Variants in CYP19A1 observed in about 807,000 individuals in gnomAD.
CYP19A1 encodes the protein cytochrome P450 family 19 subfamily A member 1, also known as aromatase.
Under a neutral mutation model 44.4 loss-of-function variants are expected in CYP19A1, and 32 were observed. That is an observed-to-expected ratio of 0.72 (90% CI 0.54 to 0.97). CYP19A1 has a LOEUF of 0.97. CYP19A1 is among the 50% of genes least tolerant of loss of function. The pLI, the probability that CYP19A1 is intolerant of heterozygous loss-of-function variation, is 0.00. For missense variants in CYP19A1, 598 were observed against 637.8 expected (o/e 0.94, Z 0.67); for synonymous variants, 212 against 215.6 (o/e 0.98, Z 0.14).
chr15:51,240,385 C>G (rs1216493621), intron 2 of CYP19A1, among the ~76,000 whole-genome samples: 1 of 152,134 alleles, frequency 6.6e-6, no homozygotes, highest in African/African-American at 2.4e-5. Flanking sequence ...ACACACCAAC[C>G]TCACCAGAGA....
chr15:51,220,481 G>A (rs141638524), intron 5 of CYP19A1, among the ~76,000 whole-genome samples: 319 of 152,286 alleles, frequency 2.1e-3, no homozygotes, highest in Middle Eastern at 0.014. Flanking sequence ...ATCAATAAAT[G>A]TTTGATGAAT....
chr15:51,311,807 T>C (rs965871763), intron 1 of CYP19A1, among the ~76,000 whole-genome samples: 2 of 152,164 alleles, frequency 1.3e-5, no homozygotes, highest in African/African-American at 4.8e-5. Flanking sequence ...TAACCCTGGC[T>C]CACTGACATG....
chr15:51,227,875 T>G lies in CYP19A1; in HGVS notation c.355A>C (p.Lys119Gln), dbSNP rs1443121773. ...HNHYSSRFGS[K>Q]LGLQCIGMHE... ...ATACCGATGCACTGCAGCCCAAGTT[T>G]GCTGCCGAATCGAGAGCTGTAATGA... The change falls in exon 4 of 10, where the codon AAA becomes CAA. Residue 119 changes from lysine to glutamine, a missense_variant. By Grantham distance (53) the Lys-to-Gln change is moderately conservative (BLOSUM62 1). Transcript: ENST00000396402. 6.4e-7 allele frequency: 1 copy of G among 1,565,320 alleles called. No homozygotes were observed. The highest frequency in any genetic ancestry group is 1.7e-5 in the Admixed American group (1 of 59,956).
intron 1 of CYP19A1, among the ~76,000 whole-genome samples, chr15:51,271,285 C>G (rs1249543570): frequency 6.6e-6 from 1 of 152,088 alleles, no homozygotes; most frequent in Non-Finnish European, 1.5e-5. Context: ...GGAGCAATAC[C>G]CCTCTAACCA....
At chr15:51,239,801 A>C (rs1437903647) in intron 2 of CYP19A1, among the ~76,000 whole-genome samples, 4 of 152,190 alleles carry the variant, frequency 2.6e-5, no homozygotes, top group Non-Finnish European at 5.9e-5. Flanking sequence ...CGCACTGTCC[A>C]GTTTTCTGTG....
At chr15:51,222,264 G>A in intron 5 of CYP19A1, 85 bp downstream of exon 5, 1 of 1,606,936 alleles carries the variant, frequency 6.2e-7, no homozygotes. Flanking sequence ...AAAATGGCAT[G>A]TGATTCCTTT....
At chr15:51,259,243 AT>A (rs34859774) in intron 1 of CYP19A1, among the ~76,000 whole-genome samples, 1 of 152,090 alleles carries the variant, frequency 6.6e-6, no homozygotes, top group Non-Finnish European at 1.5e-5. Flanking sequence ...AGCCCAAAAT[AT>A]TTTTTTTCCT....
chr15:51,236,094 T>C (rs998418558), intron 3 of CYP19A1, among the ~76,000 whole-genome samples: 10 of 152,362 alleles, frequency 6.6e-5, no homozygotes, highest in Non-Finnish European at 8.8e-5. Flanking sequence ...CCACAAAATA[T>C]AATAATGCAG....
At chr15:51,240,141 C>T (rs2141115904) in intron 2 of CYP19A1, among the ~76,000 whole-genome samples, 2 of 150,216 alleles carry the variant, frequency 1.3e-5, no homozygotes, top group South Asian at 2.1e-4. Flanking sequence ...AAGTCAACCA[C>T]CTATGTGTGT....
chr15:51,275,309 C>T (rs1265363779), intron 1 of CYP19A1, among the ~76,000 whole-genome samples: 1 of 152,222 alleles, frequency 6.6e-6, no homozygotes, highest in Non-Finnish European at 1.5e-5. Flanking sequence ...GGACCTGAGT[C>T]ACTCCACCCA....
chr15:51,325,159 G>C (rs555326144), intron 1 of CYP19A1, among the ~76,000 whole-genome samples: 1 of 152,208 alleles, frequency 6.6e-6, no homozygotes, highest in East Asian at 1.9e-4. Flanking sequence ...GCCAGCTTGG[G>C]CAAGAAGCAA....
intron 2 of CYP19A1, among the ~76,000 whole-genome samples, chr15:51,240,937 C>G (rs2033722491): frequency 6.6e-6 from 1 of 152,198 alleles, no homozygotes; most frequent in Admixed American, 6.5e-5. Context: ...CTCAGTTTCC[C>G]CTTCTGTCAA....
At chr15:51,256,060 C>T (rs1051461625) in intron 1 of CYP19A1, among the ~76,000 whole-genome samples, 3 of 152,156 alleles carry the variant, frequency 2.0e-5, no homozygotes, top group Non-Finnish European at 4.4e-5. Context: ...TGTTTTCCAC[C>T]AACAAATGCT....
At chr15:51,251,340 C>T (rs1419294047) in intron 1 of CYP19A1, among the ~76,000 whole-genome samples, 4 of 152,164 alleles carry the variant, frequency 2.6e-5, no homozygotes, top group African/African-American at 9.7e-5. Flanking sequence ...AGATCCAGAG[C>T]CATGCCTGAG....
At chr15:51,278,116 TGTGCCATCTTTTATAAAG>T (rs1161161105) in intron 1 of CYP19A1, 1 of 152,128 alleles carries the variant, frequency 6.6e-6, no homozygotes, top group African/African-American at 2.4e-5. Context: ...TCACTCTTCG[TGTGCCATCTTTTATAAAG>T]GTGCTTCTTG....
intron 1 of CYP19A1, among the ~76,000 whole-genome samples, chr15:51,317,145 AG>A (rs1292670640): frequency 2.7e-5 from 4 of 148,678 alleles, no homozygotes; most frequent in Non-Finnish European, 4.4e-5. Context: ...TCTATCGCCC[AG>A]GCTAGAGTGC....
intron 1 of CYP19A1, among the ~76,000 whole-genome samples, chr15:51,326,040 G>A (rs117452847): frequency 0.02 from 3,067 of 152,144 alleles, 55 homozygotes; most frequent in Middle Eastern, 0.095. Flanking sequence ...GAAACAGAAT[G>A]GTTGTATGGG....
At chr15:51,289,542 G>T (rs747570948) in intron 1 of CYP19A1, among the ~76,000 whole-genome samples, 1 of 152,094 alleles carries the variant, frequency 6.6e-6, no homozygotes, top group Non-Finnish European at 1.5e-5. Flanking sequence ...TCTCACATTG[G>T]CTGGGTCCTT....
chr15:51,260,721 G>A (rs1361640539), intron 1 of CYP19A1, among the ~76,000 whole-genome samples: 1 of 152,096 alleles, frequency 6.6e-6, no homozygotes, highest in East Asian at 1.9e-4. Context: ...AGTAAAGAGG[G>A]CTCACTAAAA....
Sources: allele counts gnomAD v4.1 joint callset (sites outside exome capture counted in the v4.1 genomes callset), GRCh38; gene constraint gnomAD v4.1.1; transcripts MANE v1.5; gene names NCBI Gene and HGNC (gene_info 2026-07-23, HGNC 2026-07-21).